Variants in MYH3 observed in about 807,000 individuals in gnomAD.
The protein encoded by MYH3 is myosin heavy chain 3.
A neutral mutation model predicts 238.0 loss-of-function variants in MYH3; 130 were observed. The observed-to-expected ratio is 0.55, with a 90% CI of 0.47 to 0.63. The LOEUF (loss-of-function observed/expected upper bound fraction) is 0.63. Among genes scored for constraint, MYH3 ranks in the 30% least tolerant of loss-of-function variants. The pLI, the probability that MYH3 is intolerant of heterozygous loss-of-function variation, is 0.00. For synonymous variants in MYH3, 880 were observed against 924.1 expected (o/e 0.95, Z 0.86); for missense variants, 1,853 against 2,374.9 (o/e 0.78, Z 4.57).
chr17:10,636,062 C>G (rs916841072), intron 28 of MYH3, among the ~76,000 whole-genome samples: 57 of 152,032 alleles, frequency 3.7e-4, no homozygotes, highest in African/African-American at 1.2e-3. Flanking sequence ...CAGTGGCTCA[C>G]GCCTGTAATC....
chr17:10,644,680 C>G lies in MYH3; in HGVS notation c.1164G>C (p.Leu388=). 2 of 1,613,866 alleles carry G rather than the reference C, an allele frequency of 1.2e-6. No homozygotes were observed. The highest frequency in any genetic ancestry group is 1.7e-6 in the Non-Finnish European group (2 of 1,179,968). ...GGAGGTCCGAAGAGTTCAGGCCCAT[C>G]AGATAGGCTGTTTTGTCAGCCACTG... is the stretch of plus-strand genomic sequence containing the variant. ...GTEVADKTAY[L]MGLNSSDLLK... The change falls in exon 13 of 41, where the codon CTG becomes CTC. Residue 388 remains leucine, a synonymous_variant. Coordinates refer to ENST00000583535, the MANE Select transcript of MYH3 (RefSeq NM_002470.4).
At chr17:10,633,946 AC>A (rs1414566156) in intron 32 of MYH3, 70 bp downstream of exon 32, 2 of 1,582,668 alleles carry the variant, frequency 1.3e-6, no homozygotes, top group African/African-American at 2.7e-5. Context: ...ATGAAGCCAC[AC>A]CCACGCCAGC....
the MYH3 span, among the ~76,000 whole-genome samples, chr17:10,666,869 G>A: frequency 6.6e-6 from 1 of 152,082 alleles, no homozygotes; most frequent in Admixed American, 6.6e-5. Flanking sequence ...AAGTTACGAA[G>A]AAAAAGACAA....
In MYH3 at chr17:10,649,652, G is replaced by A; in HGVS notation, c.567C>T (p.Thr189=). Residue 189 remains threonine (T), a synonymous_variant, in exon 7 of 41, where the codon ACC becomes ACT. Transcript: ENST00000583535. The part of the protein sequence containing the change: ...GESGAGKTVN[T]KRVIQYFATI... Reference sequence around the variant, plus strand: ...TTGCAAAGTACTGGATGACCCGTTTGGTGTTCACAGTCTTTCCTGCCCCGG... The same window carrying A: ...TTGCAAAGTACTGGATGACCCGTTTAGTGTTCACAGTCTTTCCTGCCCCGG... 6.2e-7 allele frequency: 1 copy of A among 1,614,220 alleles called. No individual in the cohort carries two copies. The highest frequency in any genetic ancestry group is 1.1e-5 in the South Asian group (1 of 91,086).
At chr17:10,673,915 ATTTG>A in the MYH3 span, 5 of 152,220 alleles carry the variant, frequency 3.3e-5, no homozygotes, top group African/African-American at 1.2e-4. Context: ...AGAAAATGGA[ATTTG>A]TTTATTTGAG....
Position 10,628,670 on chromosome 17 carries a change from G to T in MYH3, c.5806C>A (p.His1936Asn), listed in dbSNP as rs775287416. ...GGGCTGGCTCACTCTTCACTCTCGT[G>T]GACCACCATCTAGGAAGAAAGTAGG... is the stretch of plus-strand genomic sequence containing the variant. ...RDFTSSRMVVHESEE is the reference protein window; with the variant it reads ...RDFTSSRMVVNESEE Residue 1936 changes from histidine to asparagine, a missense_variant, in exon 41 of 41, where the codon CAC (histidine) becomes AAC (asparagine). Physicochemically the swap from His to Asn is moderately conservative, Grantham distance 68. This residue lies in a region of MYH3 where 1,044 missense variants were observed against 1,192.6 expected (regional missense o/e 0.88). Transcript: ENST00000583535. The T allele has an allele frequency of 1.2e-6, 2 of 1,614,050 alleles. No homozygotes were observed. Among genetic ancestry groups the T allele is most frequent in the African/African-American group, 2.7e-5 (2 of 74,918 alleles).
intron 1 of MYH3, among the ~76,000 whole-genome samples, chr17:10,656,537 C>CAAA (rs71139057): frequency 3.2e-4 from 18 of 55,884 alleles, no homozygotes; most frequent in African/African-American, 8.9e-4. Flanking sequence ...AATTCTGTCT[C>CAAA]AAAAAAAAAA....
At chr17:10,661,010 C>G (rs974526884), upstream of MYH3, among the ~76,000 whole-genome samples, 5 of 150,142 alleles carry the variant, frequency 3.3e-5, no homozygotes, top group Non-Finnish European at 7.4e-5. Flanking sequence ...GAGTTTCACT[C>G]TTGTTGCCCA....
intron 36 of MYH3, among the ~76,000 whole-genome samples, chr17:10,631,198 G>T (rs551719003): frequency 1.3e-5 from 2 of 152,180 alleles, no homozygotes; most frequent in Non-Finnish European, 2.9e-5. Context: ...GGCTGTACAG[G>T]AACAACAAAA....
Position 10,635,766 on chromosome 17 carries a change from T to G in MYH3, c.3944A>C (p.Glu1315Ala). 6.2e-7 allele frequency: 1 copy of G among 1,614,222 alleles called. No individual in the cohort carries two copies. Among genetic ancestry groups the G allele is most frequent in the Non-Finnish European group, 8.5e-7 (1 of 1,180,036 alleles). The change falls in exon 29 of 41, where the codon GAG becomes GCG. Residue 1315 changes from glutamate (E) to alanine (A), a missense_variant. Glu to Ala is a moderately radical substitution (Grantham distance 107). Transcript: ENST00000583535. ...CTCTTCCTCCAGCTGCCTCTTGAGC[T>G]CTTCTGTTTGCTGGGTAAAGGCTTG... ...SKQAFTQQTE[E>A]LKRQLEEENK...
chr17:10,652,638 T>C, intron 3 of MYH3, 75 bp from the exon 4 acceptor site: 3 of 898,278 alleles, frequency 3.3e-6, no homozygotes, highest in Non-Finnish European at 5.0e-6. Context: ...TTTTTTTTTT[T>C]TGAGACGGAG....
At chr17:10,657,583 C>T (rs1286923133), upstream of MYH3, among the ~76,000 whole-genome samples, 1 of 152,196 alleles carries the variant, frequency 6.6e-6, no homozygotes, top group Non-Finnish European at 1.5e-5. Flanking sequence ...GGCCTCACTC[C>T]AGGAGGAGTT....
At chr17:10,633,377 G>C (rs2074183448) in intron 33 of MYH3, among the ~76,000 whole-genome samples, 1 of 152,002 alleles carries the variant, frequency 6.6e-6, no homozygotes, top group African/African-American at 2.4e-5. Flanking sequence ...CTCATCTTTA[G>C]GCCTATTTAA....
chr17:10,629,669 C>T lies in MYH3; in HGVS notation c.5724G>A (p.Glu1908=). ...RKAQHELEEA[E]ERADIAESQV... ...GAGATTCTGCGATATCCGCACGTTC[C>T]TCGGCCTCCTCCAGCTCATGCTGAG... is the stretch of plus-strand genomic sequence containing the variant. The change falls in exon 40 of 41, where the codon GAG becomes GAA. Residue 1908 remains glutamate (E), a synonymous_variant. Coordinates refer to ENST00000583535, the MANE Select transcript of MYH3 (RefSeq NM_002470.4). The T allele has an allele frequency of 6.2e-7, 1 of 1,614,210 alleles. No individual in the cohort carries two copies.
At chr17:10,651,695 G>A (rs747186030) in intron 4 of MYH3, 27 bp from the exon 5 acceptor site, 140 of 1,609,142 alleles carry the variant, frequency 8.7e-5, no homozygotes, top group South Asian at 4.0e-4. Flanking sequence ...ATATACGTGC[G>A]TATATGTATG....
chr17:10,652,294 T>C, intron 4 of MYH3, 126 bp downstream of exon 4: 1 of 1,224,370 alleles, frequency 8.2e-7, no homozygotes, highest in South Asian at 1.2e-5. Flanking sequence ...CGTCTTTGTG[T>C]TTTGTTCATC....
rs199740869 is a variant in MYH3 at position 10,644,165 on chromosome 17, AAAAC to A, written c.1410+182_1410+185del. Among the ~76,000 whole-genome samples the A allele has an allele frequency of 0.56, 83,343 of 148,306 alleles. 25,991 individuals carry two copies. The highest frequency in any genetic ancestry group is 0.73 in the Non-Finnish European group (48,210 of 66,496). The stretch of plus-strand genomic sequence containing the variant: ...GGGTGAAACTCAGTCTCAAAAAAAA[AAAAC>A]AAACAAAAAACCCTAATACAAACCC... On this transcript the variant is annotated intron_variant, in intron 14 of 40. Transcript: ENST00000583535.
chr17:10,647,493 T>C (rs2074332727), intron 8 of MYH3, 67 bp from the exon 9 acceptor site: 2 of 1,550,656 alleles, frequency 1.3e-6, no homozygotes, highest in African/African-American at 1.4e-5. Flanking sequence ...ATTCATCTTA[T>C]GGGTAATTTG....
chr17:10,669,435 C>T, the MYH3 span, among the ~76,000 whole-genome samples: 1 of 152,052 alleles, frequency 6.6e-6, no homozygotes, highest in Middle Eastern at 3.4e-3. Flanking sequence ...CGCCTGTAAT[C>T]CCAGCTACTC....
Sources: gnomAD v4.1 joint callset for allele counts (sites outside exome capture counted in the v4.1 genomes callset) on GRCh38, gnomAD v4.1.1 for gene constraint, gnomAD v4.1.1 regional missense constraint, MANE v1.5 for transcripts, NCBI Gene and HGNC (gene_info 2026-07-23, HGNC 2026-07-21) for gene names.